The following STKLD1 variants were observed in gnomAD, a reference collection of about 807,000 sequenced individuals.
The protein encoded by STKLD1 is serine/threonine kinase like domain containing 1.
In STKLD1, 79 loss-of-function variants were observed where a neutral mutation model predicts 80.4. The observed-to-expected ratio is 0.98, with a 90% CI of 0.82 to 1.19. The LOEUF (loss-of-function observed/expected upper bound fraction) is 1.19, where lower values mean the gene tolerates loss of function less well. Ranked by LOEUF, STKLD1 falls within the 50% of genes most tolerant of loss-of-function variation. STKLD1 has a pLI of 0.00. For synonymous variants in STKLD1, 393 were observed against 357.6 expected, an observed-to-expected ratio of 1.10 and a Z score of -1.12; for missense variants, 841 against 856.0, an observed-to-expected ratio of 0.98 and a Z score of 0.22.
At chr9:133,404,163 G>T in intron 16 of STKLD1, 115 bp downstream of exon 16, 1 of 1,330,870 alleles carries the variant, frequency 7.5e-7, no homozygotes, top group South Asian at 1.6e-5. Flanking sequence ...AAATCAAAAA[G>T]GAAAAGAAAT....
Position 133,404,868 on chromosome 9 carries a change from C to T in STKLD1, c.1812C>T (p.His604=). 6.2e-7 allele frequency: 1 copy of T among 1,613,284 alleles called. No individual in the cohort carries two copies. Among genetic ancestry groups the T allele is most frequent in the Middle Eastern group, 1.7e-4 (1 of 6,050 alleles). ...TCATCAAGGAGACCTACCAGCTCCA[C>T]AGGGACGACCCGGAGGTGGTGGAGA... ...LSLIKETYQL[H]RDDPEVVENV... Residue 604 remains histidine, a synonymous_variant, in exon 17 of 18, where the codon CAC becomes CAT. Transcript: ENST00000371957.
rs927288565 is a variant in STKLD1, at chr9:133,385,511, G to A, written c.220-106G>A. 2 of 1,206,380 alleles carry A rather than the reference G, an allele frequency of 1.7e-6. No individual in the cohort carries two copies. The highest frequency in any genetic ancestry group is 3.0e-5 in the African/African-American group (2 of 67,462). 74.7% of individuals were successfully genotyped at this position (1,206,380 alleles called of 1,614,324 possible). A position where few individuals can be genotyped will look rare whatever the true frequency, so the allele number is the denominator to read the frequency against. On this transcript the variant is annotated intron_variant, in intron 3 of 17. Coordinates refer to ENST00000371957, the MANE Select transcript of STKLD1 (RefSeq NM_153710.5). This position sits in a 1 kb window ranked among gnomAD's most constrained non-coding sequence, Gnocchi z 4.9. ...TGAGCCCACTCCCTGGCCCAGCTCAGAGCCCGAGGCTTGCATGTTTGTTGG... is the reference window on the plus strand; with the variant it reads ...TGAGCCCACTCCCTGGCCCAGCTCAAAGCCCGAGGCTTGCATGTTTGTTGG...
chr9:133,384,482 C>T lies in STKLD1; in HGVS notation c.219+582C>T, dbSNP rs1037076694. ...TTGGCCGGGTCCCTAGGTTAATCTA[C>T]CAATAACTTCTTTAAATATTTTTTC... On this transcript the variant is annotated intron_variant, in intron 3 of 17. Transcript: ENST00000371957. This position sits in a 1 kb window ranked among gnomAD's most constrained non-coding sequence, Gnocchi z 4.3. 1 of 152,004 alleles carries T rather than the reference C, an allele frequency of 6.6e-6. No individual in the cohort carries two copies. Among genetic ancestry groups the T allele is most frequent in the African/African-American group, 2.4e-5 (1 of 41,370 alleles). 9.4% of individuals were successfully genotyped at this position (152,004 alleles called of 1,614,324 possible). A position where few individuals can be genotyped will look rare whatever the true frequency, so the allele number is the denominator to read the frequency against.
At chr9:133,395,819 C>A in intron 9 of STKLD1, 56 bp downstream of exon 9, 2 of 1,562,850 alleles carry the variant, frequency 1.3e-6, no homozygotes, top group East Asian at 2.2e-5. Flanking sequence ...CAACATCTCT[C>A]CACCCTAATA....
rs2130287821 is a variant in STKLD1 at position 133,390,891 on chromosome 9, A to C, written c.583+95A>C. ...TGGGTGCTGGAGTGAGGCAACATCA[A>C]ACAGCTGTTTGCTCAGAAGGTCCCC... On this transcript the variant is annotated intron_variant, in intron 7 of 17. Coordinates refer to ENST00000371957, the MANE Select transcript of STKLD1 (RefSeq NM_153710.5). This position sits in a 1 kb window ranked among gnomAD's most constrained non-coding sequence, Gnocchi z 5.1. 1 of 902,308 alleles carries C rather than the reference A, an allele frequency of 1.1e-6. No individual in the cohort carries two copies. The highest frequency in any genetic ancestry group is 1.8e-6 in the Non-Finnish European group (1 of 545,506). 55.9% of individuals were successfully genotyped at this position (902,308 alleles called of 1,614,324 possible). A position where few individuals can be genotyped will look rare whatever the true frequency, so the allele number is the denominator to read the frequency against.
chr9:133,397,035 A>G (rs1554776809), intron 9 of STKLD1, 129 bp from the exon 10 acceptor site: 7 of 1,370,562 alleles, frequency 5.1e-6, no homozygotes, highest in African/African-American at 2.9e-5. Flanking sequence ...AATGAATCCC[A>G]AAACAGGGAG....
At chr9:133,402,526 A>G (rs1838734079) in intron 13 of STKLD1, among the ~76,000 whole-genome samples, 1 of 152,240 alleles carries the variant, frequency 6.6e-6, no homozygotes, top group African/African-American at 2.4e-5. Context: ...AATGGATGTC[A>G]GTTCATCCTA....
chr9:133,393,714 G>C (rs1410213124), intron 7 of STKLD1, among the ~76,000 whole-genome samples: 2 of 151,928 alleles, frequency 1.3e-5, no homozygotes, highest in Non-Finnish European at 2.9e-5. Flanking sequence ...ACGGGCAGAT[G>C]GTTGGTTCTA....
chr9:133,403,630 G>C (rs1838765020), intron 14 of STKLD1, 70 bp from the exon 15 acceptor site: 1 of 1,549,302 alleles, frequency 6.5e-7, no homozygotes, highest in Non-Finnish European at 8.8e-7. Context: ...GCAGCAGATG[G>C]GGGATGGGAA....
At position 133,385,707 on chromosome 9, in the gene STKLD1, C is replaced by T; in HGVS notation, c.294+16C>T. On this transcript the variant is annotated intron_variant, in intron 4 of 17. Transcript: ENST00000371957. The surrounding 1 kb of genome is among the most constrained non-coding windows in gnomAD (Gnocchi z 4.9). ...GAATGGGGAGGTGGGTCAGAGCTGA[C>T]ACCTACGGGCTCAGCCGCCACGCAG... is the stretch of plus-strand genomic sequence containing the variant. 1 of 1,611,440 alleles carries T rather than the reference C, an allele frequency of 6.2e-7. No homozygotes were observed. The highest frequency in any genetic ancestry group is 1.3e-5 in the African/African-American group (1 of 75,010).
In STKLD1 at chr9:133,403,018, G is replaced by A. The variant is rs782289779; in HGVS notation, c.1474+6G>A. 4 of 1,561,530 alleles carry A rather than the reference G, an allele frequency of 2.6e-6. No homozygotes were observed. Among genetic ancestry groups the A allele is most frequent in the South Asian group, 2.4e-5 (2 of 84,830 alleles). On this transcript the variant is annotated splice_donor_region_variant and intron_variant, in intron 14 of 17. Coordinates refer to ENST00000371957, the MANE Select transcript of STKLD1 (RefSeq NM_153710.5). ...CTGGGCCCTCCTGCTGGACGGTGAG[G>A]GGCCCTCCTCCTGCTGTCCCACCGG... is the stretch of plus-strand genomic sequence containing the variant.
Position 133,394,194 on chromosome 9 carries a change from C to A in STKLD1, c.584-97C>A. 1.2e-6 allele frequency: 1 copy of A among 802,068 alleles called. No individual in the cohort carries two copies. Among genetic ancestry groups the A allele is most frequent in the Non-Finnish European group, 2.2e-6 (1 of 456,108 alleles). 49.7% of individuals were successfully genotyped at this position (802,068 alleles called of 1,614,324 possible). On this transcript the variant is annotated intron_variant, in intron 7 of 17. Transcript: ENST00000371957. The surrounding 1 kb of genome is among the most constrained non-coding windows in gnomAD (Gnocchi z 4.9). ...GTGTTTCAAGCTGCTTGCGGGGGGC[C>A]ACCAAAGGGGATACAGTGCTGGGCA... is the stretch of plus-strand genomic sequence containing the variant.
At chr9:133,379,996 A>C (rs933617720) in intron 2 of STKLD1, among the ~76,000 whole-genome samples, 4 of 151,294 alleles carry the variant, frequency 2.6e-5, no homozygotes, top group African/African-American at 9.7e-5. Flanking sequence ...CTCACAAGCC[A>C]CTGGGGCAGT....
At chr9:133,401,549 T>C (rs1034745018) in intron 12 of STKLD1, among the ~76,000 whole-genome samples, 189 bp from the exon 13 acceptor site, 1 of 152,106 alleles carries the variant, frequency 6.6e-6, no homozygotes, top group Admixed American at 6.5e-5. Flanking sequence ...CGGGCAGGGC[T>C]CCCTTCCGGT....
chr9:133,392,882 G>A (rs1838443747), intron 7 of STKLD1, among the ~76,000 whole-genome samples: 1 of 76,592 alleles, frequency 1.3e-5, no homozygotes, highest in South Asian at 5.4e-4. Context: ...TGGGTTAGTG[G>A]ATTGGATGGA....
intron 2 of STKLD1, among the ~76,000 whole-genome samples, chr9:133,382,234 A>T (rs1050848755): frequency 1.3e-5 from 2 of 152,220 alleles, no homozygotes; most frequent in Admixed American, 6.5e-5. Context: ...CCCAACCAGA[A>T]CAAGATGTTC....
Position 133,402,906 on chromosome 9 carries a change from GAA to G in STKLD1, c.1369_1370del (p.Asn457CysfsTer86), listed in dbSNP as rs782248917. ...CAGAGTCACTGTCAGAGGAGCTGCA[GAA>G]TGCTGGGCTGCTGGAGCACATCCTG... ...ESESLSEELQ[N>X]AGLLEHILEH... On this transcript the variant is annotated frameshift_variant, in exon 14 of 18. Transcript: ENST00000371957. LOFTEE classifies it high-confidence loss of function. The G allele has an allele frequency of 1.3e-6, 2 of 1,592,894 alleles. No individual in the cohort carries two copies. Among genetic ancestry groups the G allele is most frequent in the Admixed American group, 3.5e-5 (2 of 57,254 alleles).
intron 1 of STKLD1, among the ~76,000 whole-genome samples, chr9:133,376,814 C>T (rs886283261): frequency 6.6e-6 from 1 of 152,202 alleles, no homozygotes; most frequent in Non-Finnish European, 1.5e-5. Context: ...CGTGGGGCAG[C>T]TCCTCTATCC....
Position 133,376,457 on chromosome 9 carries a change from C to T in STKLD1, c.-17C>T, listed in dbSNP as rs2130248001. 33 of 1,567,542 alleles carry T rather than the reference C, an allele frequency of 2.1e-5. No individual in the cohort carries two copies. Among genetic ancestry groups the T allele is most frequent in the Non-Finnish European group, 6.9e-6 (8 of 1,159,912 alleles). On this transcript the variant is annotated 5_prime_UTR_variant, in exon 1 of 18. The change creates a new upstream start codon in the 5' untranslated region. Coordinates refer to ENST00000371957, the MANE Select transcript of STKLD1 (RefSeq NM_153710.5). ...GGCCAGGGGTGGACGCTCGCCCGTA[C>T]GCGGTCGCTACTGATCATGCTTGGG...
Sources: allele counts gnomAD v4.1 joint callset (sites outside exome capture counted in the v4.1 genomes callset), GRCh38; gene constraint gnomAD v4.1.1; non-coding constraint Gnocchi (gnomAD v3.1); transcripts MANE v1.5; gene names NCBI Gene and HGNC (gene_info 2026-07-23, HGNC 2026-07-21).